TTF1: variants seen among roughly 807,000 people sequenced by gnomAD.
The protein encoded by TTF1 is transcription termination factor 1.
A neutral mutation model predicts 80.2 loss-of-function variants in TTF1; 64 were observed. That is an observed-to-expected ratio of 0.80 (90% CI 0.65 to 0.98). TTF1 has a LOEUF of 0.98. TTF1 is among the 50% of genes least tolerant of loss of function. TTF1 has a pLI of 0.00. For missense variants in TTF1, 1,023 were observed against 1,086.2 expected, an observed-to-expected ratio of 0.94 and a Z score of 0.82; for synonymous variants, 372 against 382.7, an observed-to-expected ratio of 0.97 and a Z score of 0.33.
intron 10 of TTF1, among the ~76,000 whole-genome samples, chr9:132,377,425 CAT>C (rs1849221092): frequency 1.5e-5 from 1 of 66,792 alleles, no homozygotes; most frequent in Non-Finnish European, 2.7e-5. Context: ...TGAGTGCATG[CAT>C]GTGGTGTGAG....
chr9:132,392,050 G>C (rs761555611), intron 6 of TTF1, 26 bp downstream of exon 6: 1 of 1,613,286 alleles, frequency 6.2e-7, no homozygotes, highest in South Asian at 1.1e-5. Flanking sequence ...TCTTCAGCGA[G>C]GTGGGCACTG....
chr9:132,386,039 TA>T (rs1849463677), intron 9 of TTF1, among the ~76,000 whole-genome samples: 1 of 152,144 alleles, frequency 6.6e-6, no homozygotes, highest in African/African-American at 2.4e-5. Flanking sequence ...TTGGAATTGA[TA>T]AAAGGTATGT....
rs1187898916 is a variant in TTF1, at chr9:132,377,339, GGTGTGAGTGCATGTGGTGT to G, written c.2465-1190_2465-1172del. 2.9e-3 allele frequency among the ~76,000 whole-genome samples: 370 copies of G among 126,712 alleles called. 3 individuals carry two copies. Among genetic ancestry groups the G allele is most frequent in the African/African-American group, 6.4e-3 (201 of 31,224 alleles). 83.1% of individuals were successfully genotyped at this position (126,712 alleles called of 152,430 possible). ...ATGTGGTGTGTGTGTGAATGCATGTGGTGTGAGTGCATGTGGTGTGTGTGAGTGCATGTGGTGTGTGTGA... is the reference window on the plus strand; with the variant it reads ...ATGTGGTGTGTGTGTGAATGCATGTGGTGTGAGTGCATGTGGTGTGTGTGA... On this transcript the variant is annotated intron_variant, in intron 10 of 10. Coordinates refer to ENST00000334270, the MANE Select transcript of TTF1 (RefSeq NM_007344.4).
At chr9:132,389,595 A>G (rs971835510) in intron 7 of TTF1, among the ~76,000 whole-genome samples, 3 of 152,166 alleles carry the variant, frequency 2.0e-5, no homozygotes, top group Non-Finnish European at 4.4e-5. Context: ...AAACAGTATG[A>G]TCTAGGAGTT....
At chr9:132,377,086 A>C (rs574608606) in intron 10 of TTF1, among the ~76,000 whole-genome samples, 1 of 152,264 alleles carries the variant, frequency 6.6e-6, no homozygotes, top group East Asian at 1.9e-4. Context: ...GGTGTCTTTT[A>C]TTCTTTCTGG....
chr9:132,386,622 CTG>C lies in TTF1; in HGVS notation c.2313-3_2313-2del. 1 of 1,608,932 alleles carries C rather than the reference CTG, an allele frequency of 6.2e-7. No individual in the cohort carries two copies. Among genetic ancestry groups the C allele is most frequent in the South Asian group, 1.1e-5 (1 of 90,724 alleles). On this transcript the variant is annotated splice_acceptor_variant and splice_polypyrimidine_tract_variant and intron_variant, in intron 8 of 10. Transcript: ENST00000334270. LOFTEE classifies it high-confidence loss of function. ...ATCTTCCACATTTATTTCATACAAC[CTG>C]TGAGAAAAAATAAAAATTAAATTTT...
At chr9:132,391,562 C>T (rs976051398) in intron 6 of TTF1, among the ~76,000 whole-genome samples, 2 of 151,954 alleles carry the variant, frequency 1.3e-5, no homozygotes, top group Admixed American at 1.3e-4. Flanking sequence ...ACTTGAAGAA[C>T]TGGCTGCAAG....
At chr9:132,389,395 C>T (rs558743185) in intron 7 of TTF1, among the ~76,000 whole-genome samples, 9 of 151,920 alleles carry the variant, frequency 5.9e-5, no homozygotes, top group African/African-American at 1.7e-4. Context: ...GTTGGCCAGT[C>T]TGGTCTTGAA....
intron 10 of TTF1, among the ~76,000 whole-genome samples, chr9:132,376,479 T>C (rs1431714569): frequency 6.6e-6 from 1 of 152,086 alleles, no homozygotes; most frequent in Non-Finnish European, 1.5e-5. Flanking sequence ...CAAAGACGCA[T>C]TTCATCACAG....
At position 132,400,100 on chromosome 9, in the gene TTF1, G is replaced by T; in HGVS notation, c.1526C>A (p.Ala509Asp). The change falls in exon 3 of 11, where the codon GCC becomes GAC. Residue 509 changes from alanine (A) to aspartate (D), a missense_variant. By Grantham distance (126) the Ala-to-Asp change is moderately radical. Transcript: ENST00000334270. ...GTACATCCGCTTGATTGTGCTGGTG[G>T]CCCTGTCCTTGATGTTAGGAATGAA... ...QEFIPNIKDRATSTIKRMYRD... is the reference protein window; with the variant it reads ...QEFIPNIKDRDTSTIKRMYRD... The T allele has an allele frequency of 1.2e-6, 2 of 1,614,120 alleles. No homozygotes were observed. Among genetic ancestry groups the T allele is most frequent in the Non-Finnish European group, 8.5e-7 (1 of 1,180,022 alleles).
In TTF1 at chr9:132,375,626, T is replaced by C. The variant is rs1185496033; in HGVS notation, c.*289A>G. On this transcript the variant is annotated 3_prime_UTR_variant, in exon 11 of 11. Coordinates refer to ENST00000334270, the MANE Select transcript of TTF1 (RefSeq NM_007344.4). ...GAGGAAAGAGTAGAACTCTGGCCAT[T>C]GTACATTCTTTATTAAACATCAATA... 2 of 248,338 alleles carry C rather than the reference T, an allele frequency of 8.1e-6. No individual in the cohort carries two copies. The highest frequency in any genetic ancestry group is 4.4e-5 in the African/African-American group (2 of 45,378). 15.4% of individuals were successfully genotyped at this position (248,338 alleles called of 1,614,324 possible).
chr9:132,377,208 A>ATGCATGTGGTGTGAG lies in TTF1; in HGVS notation c.2465-1055_2465-1041dup, dbSNP rs1157347401. ...GAGTGCATGCATGTGGTGTGAGTGCATGCATGTGGTGTGAGTGCATGTGGT... is the reference window on the plus strand; with the variant it reads ...GAGTGCATGCATGTGGTGTGAGTGCATGCATGTGGTGTGAGTGCATGTGGTGTGAGTGCATGTGGT... On this transcript the variant is annotated intron_variant, in intron 10 of 10. Transcript: ENST00000334270. Among the ~76,000 whole-genome samples, 702 of 133,730 alleles carry ATGCATGTGGTGTGAG rather than the reference A, an allele frequency of 5.2e-3. 6 individuals carry two copies. Among genetic ancestry groups the ATGCATGTGGTGTGAG allele is most frequent in the African/African-American group, 0.02 (647 of 32,506 alleles). 87.7% of individuals were successfully genotyped at this position (133,730 alleles called of 152,430 possible).
At position 132,402,391 on chromosome 9, in the gene TTF1, T is replaced by C. The variant is rs142064204; in HGVS notation, c.431A>G (p.Lys144Arg). The C allele has an allele frequency of 1.2e-6, 2 of 1,614,200 alleles. No individual in the cohort carries two copies. Among genetic ancestry groups the C allele is most frequent in the Non-Finnish European group, 1.7e-6 (2 of 1,180,036 alleles). The part of the protein sequence containing the change: ...QKLPRKPKTD[K>R]FQVLAKSHAH... The stretch of plus-strand genomic sequence containing the variant: ...ATGTGACTTAGCAAGTACCTGAAAT[T>C]TGTCTGTTTTAGGCTTTCTTGGTAA... Residue 144 changes from lysine (K) to arginine (R), a missense_variant, in exon 2 of 11, where the codon AAA (lysine) becomes AGA (arginine). Transcript: ENST00000334270.
At chr9:132,386,711 T>TA in intron 8 of TTF1, 90 bp from the exon 9 acceptor site, 1 of 1,077,854 alleles carries the variant, frequency 9.3e-7, no homozygotes, top group East Asian at 2.5e-5. Flanking sequence ...AGCTGGAAGG[T>TA]ATGTGCGCTT....
chr9:132,394,561 G>A (rs1849613250), intron 5 of TTF1, among the ~76,000 whole-genome samples: 1 of 152,056 alleles, frequency 6.6e-6, no homozygotes, highest in East Asian at 1.9e-4. Flanking sequence ...AATTATAGGT[G>A]TGAGCCACTG....
intron 9 of TTF1, among the ~76,000 whole-genome samples, chr9:132,379,890 T>C (rs1038722225): frequency 6.6e-6 from 1 of 152,150 alleles, no homozygotes; most frequent in Non-Finnish European, 1.5e-5. Context: ...TTTTTCCTAA[T>C]AAAAGGGGAA....
At chr9:132,404,519 G>A (rs1849827580) in intron 1 of TTF1, among the ~76,000 whole-genome samples, 2 of 151,694 alleles carry the variant, frequency 1.3e-5, no homozygotes, top group South Asian at 4.2e-4. Flanking sequence ...TGGTCTCTCC[G>A]TATCTTCTCT....
chr9:132,403,212 T>C (rs1405171323), intron 1 of TTF1, among the ~76,000 whole-genome samples: 1 of 152,148 alleles, frequency 6.6e-6, no homozygotes, highest in Non-Finnish European at 1.5e-5. Flanking sequence ...CAAAATGAAA[T>C]TGTATGACAA....
intron 5 of TTF1, among the ~76,000 whole-genome samples, chr9:132,395,008 A>G (rs1294129830): frequency 1.3e-5 from 2 of 151,996 alleles, no homozygotes; most frequent in Non-Finnish European, 2.9e-5. Context: ...TCTGACCAAT[A>G]TGGTGAAACC....
Sources: gnomAD v4.1 joint callset for allele counts (sites outside exome capture counted in the v4.1 genomes callset) on GRCh38, gnomAD v4.1.1 for gene constraint, MANE v1.5 for transcripts, NCBI Gene and HGNC (gene_info 2026-07-23, HGNC 2026-07-21) for gene names.